KYNU: variants seen among roughly 807,000 people sequenced by gnomAD.
KYNU encodes kynureninase.
Under a neutral mutation model 59.2 loss-of-function variants are expected in KYNU, and 54 were observed. The observed-to-expected ratio is 0.91, with a 90% CI of 0.73 to 1.14. The LOEUF (loss-of-function observed/expected upper bound fraction) is 1.14. Ranked by LOEUF, KYNU falls within the 50% of genes most tolerant of loss-of-function variation. KYNU has a pLI of 0.00. For missense variants in KYNU, 567 were observed against 554.4 expected (o/e 1.02, Z -0.23); for synonymous variants, 177 against 192.0 (o/e 0.92, Z 0.65).
intron 10 of KYNU, among the ~76,000 whole-genome samples, chr2:143,011,798 T>G (rs2105203605): frequency 8.2e-6 from 1 of 121,448 alleles, no homozygotes. Flanking sequence ...TCATTCTCAG[T>G]AAACTATCAC....
intron 2 of KYNU, among the ~76,000 whole-genome samples, chr2:142,889,745 C>T (rs1210076337): frequency 2.6e-5 from 4 of 152,042 alleles, no homozygotes; most frequent in African/African-American, 7.3e-5. Context: ...AATGGTAAAG[C>T]ATGTTGGATT....
At chr2:142,983,912 CT>C (rs961105034) in intron 8 of KYNU, among the ~76,000 whole-genome samples, 2 of 151,944 alleles carry the variant, frequency 1.3e-5, no homozygotes, top group African/African-American at 4.8e-5. Context: ...CATTCAATCT[CT>C]TTTTTTCTCT....
Position 142,992,144 on chromosome 2 carries a change from T to G in KYNU, c.902+6123T>G, listed in dbSNP as rs144821784. On this transcript the variant is annotated intron_variant, in intron 10 of 13. Coordinates refer to ENST00000264170, the MANE Select transcript of KYNU (RefSeq NM_003937.3). ...TTCAGGATGTCATGATGCAAGTGAA[T>G]TTGGAAAACTCCTGAATCACAAAAT... Among the ~76,000 whole-genome samples, 3 of 151,964 alleles carry G rather than the reference T, an allele frequency of 2.0e-5. No homozygotes were observed. The East Asian group carries it at 5.8e-4, about 29-fold the overall frequency.
intron 11 of KYNU, among the ~76,000 whole-genome samples, chr2:143,032,060 G>A (rs573078015): frequency 2.6e-4 from 39 of 152,054 alleles, no homozygotes; most frequent in African/African-American, 3.4e-4. Context: ...GGCGGATCAC[G>A]AGGTCAGGAG....
chr2:142,918,291 A>T (rs1682740581), intron 2 of KYNU, among the ~76,000 whole-genome samples: 1 of 152,230 alleles, frequency 6.6e-6, no homozygotes, highest in Admixed American at 6.5e-5. Flanking sequence ...TTTCCTAATT[A>T]AAAACATTTG....
At chr2:142,923,195 T>C (rs546288185) in intron 3 of KYNU, among the ~76,000 whole-genome samples, 2 of 152,372 alleles carry the variant, frequency 1.3e-5, no homozygotes, top group South Asian at 4.1e-4. Context: ...AAATGATTTC[T>C]AAAACTTACA....
At chr2:142,952,194 G>A (rs915822706) in intron 4 of KYNU, among the ~76,000 whole-genome samples, 9 of 151,970 alleles carry the variant, frequency 5.9e-5, no homozygotes, top group Admixed American at 5.3e-4. Context: ...CTCCAACTCA[G>A]CCTTCCAAGT....
intron 4 of KYNU, chr2:142,947,364 G>C (rs973993498): frequency 1.9e-5 from 15 of 810,598 alleles, no homozygotes; most frequent in Non-Finnish European, 2.8e-5. Context: ...CAAGCTTACT[G>C]TACTGTGTCT....
intron 10 of KYNU, among the ~76,000 whole-genome samples, chr2:143,012,084 T>G (rs1396281693): frequency 7.3e-6 from 1 of 137,242 alleles, no homozygotes; most frequent in Non-Finnish European, 1.6e-5. Context: ...AAAAAGAAAA[T>G]ACACTGGTTG....
intron 1 of KYNU, among the ~76,000 whole-genome samples, chr2:142,881,916 C>CTTTT (rs869099302): frequency 1.3e-4 from 15 of 113,162 alleles, no homozygotes; most frequent in Non-Finnish European, 2.1e-4. Flanking sequence ...TTTCTTTTTT[C>CTTTT]TTTTTTTTTT....
At chr2:142,933,964 G>A (rs1253363562) in intron 4 of KYNU, among the ~76,000 whole-genome samples, 2 of 152,144 alleles carry the variant, frequency 1.3e-5, no homozygotes, top group East Asian at 1.9e-4. Flanking sequence ...GTTTAGAACA[G>A]AAAAATGGGT....
At chr2:142,929,007 C>CAAAAAAAAA (rs761809423) in intron 4 of KYNU, among the ~76,000 whole-genome samples, 28 of 48,422 alleles carry the variant, frequency 5.8e-4, no homozygotes, top group Non-Finnish European at 7.6e-4. Flanking sequence ...CACCCTGTCT[C>CAAAAAAAAA]AAAAAAAAAA....
chr2:142,891,356 G>T (rs1558903898), intron 2 of KYNU, among the ~76,000 whole-genome samples: 4 of 151,842 alleles, frequency 2.6e-5, no homozygotes, highest in South Asian at 2.1e-4. Context: ...TTAACTCAAA[G>T]AATTTTTTTA....
At chr2:142,941,581 T>C (rs1683601728) in intron 4 of KYNU, among the ~76,000 whole-genome samples, 1 of 152,238 alleles carries the variant, frequency 6.6e-6, no homozygotes, top group Non-Finnish European at 1.5e-5. Context: ...CACATTTTAT[T>C]TGAAGTCTTT....
intron 8 of KYNU, among the ~76,000 whole-genome samples, chr2:142,973,578 C>T (rs1362137020): frequency 6.6e-6 from 1 of 152,104 alleles, no homozygotes; most frequent in Non-Finnish European, 1.5e-5. Context: ...GTGTTTGCAG[C>T]AGCTTTCCCT....
intron 3 of KYNU, among the ~76,000 whole-genome samples, chr2:142,919,056 G>GA (rs553013679): frequency 1.2e-3 from 176 of 152,238 alleles, no homozygotes; most frequent in African/African-American, 4.2e-3. Flanking sequence ...ATAGTGACGA[G>GA]AAAAAAAGTC....
At chr2:142,994,378 C>T (rs546282621) in intron 10 of KYNU, among the ~76,000 whole-genome samples, 2 of 152,162 alleles carry the variant, frequency 1.3e-5, no homozygotes, top group East Asian at 3.9e-4. Context: ...TCCATATTCT[C>T]CATGTTCACC....
At position 142,960,618 on chromosome 2, in the gene KYNU, A is replaced by G. The variant is rs187966520; in HGVS notation, c.583-6A>G. 1.4e-5 allele frequency: 23 copies of G among 1,612,868 alleles called. No individual in the cohort carries two copies. The African/African-American group carries it at 2.7e-4, about 19-fold the overall frequency. ...TATGACCTAACTTGTGCCTAACTTG[A>G]TTTAGGGGGAAGAAACCTTAAGAAT... On this transcript the variant is annotated splice_region_variant and splice_polypyrimidine_tract_variant and intron_variant, in intron 7 of 13. Coordinates refer to ENST00000264170, the MANE Select transcript of KYNU (RefSeq NM_003937.3).
intron 4 of KYNU, among the ~76,000 whole-genome samples, chr2:142,941,310 A>T (rs1195715608): frequency 1.3e-5 from 2 of 152,208 alleles, no homozygotes; most frequent in Non-Finnish European, 2.9e-5. Flanking sequence ...GCAGCCCTGT[A>T]CCCTGAACTG....
Sources: gnomAD v4.1 joint callset for allele counts (sites outside exome capture counted in the v4.1 genomes callset) on GRCh38, gnomAD v4.1.1 for gene constraint, MANE v1.5 for transcripts, NCBI Gene and HGNC (gene_info 2026-07-23, HGNC 2026-07-21) for gene names.